The following CREB5 variants were observed in gnomAD, a reference collection of about 807,000 sequenced individuals.
CREB5 encodes cyclic AMP-responsive element-binding protein 5.
CREB5 carries 19 observed loss-of-function variants against 57.1 expected under a neutral mutation model. That is an observed-to-expected ratio of 0.33 (90% CI 0.23 to 0.49). The LOEUF (loss-of-function observed/expected upper bound fraction) is 0.49, where lower values mean the gene tolerates loss of function less well. Among genes scored for constraint, CREB5 ranks in the 20% least tolerant of loss-of-function variants. The probability of loss-of-function intolerance (pLI) is 0.99; values close to 1 mark genes in which losing one functional copy is unlikely to be tolerated. For missense variants in CREB5, 579 were observed against 671.6 expected (o/e 0.86, Z 1.52); for synonymous variants, 238 against 238.3 (o/e 1.00, Z 0.01).
intron 7 of CREB5, among the ~76,000 whole-genome samples, chr7:28,730,179 C>G (rs760838694): frequency 6.6e-6 from 1 of 152,052 alleles, no homozygotes; most frequent in Non-Finnish European, 1.5e-5. Flanking sequence ...GGTAGATATT[C>G]TTTTTTCTTT....
intron 1 of CREB5, among the ~76,000 whole-genome samples, chr7:28,353,085 T>A (rs1339063021): frequency 6.6e-6 from 1 of 152,160 alleles, no homozygotes; most frequent in Non-Finnish European, 1.5e-5. Context: ...TTCTTTCTTT[T>A]CTTTTTTTGT....
intron 7 of CREB5, among the ~76,000 whole-genome samples, chr7:28,789,004 C>G (rs932378619): frequency 3.9e-5 from 6 of 152,182 alleles, no homozygotes; most frequent in Admixed American, 6.5e-5. Context: ...TGTGGAATCT[C>G]AGATGTGCAT....
At chr7:28,618,816 T>G (rs989008280) in intron 5 of CREB5, among the ~76,000 whole-genome samples, 1 of 152,224 alleles carries the variant, frequency 6.6e-6, no homozygotes, top group African/African-American at 2.4e-5. Context: ...ATAAATGACT[T>G]ACTTTCTCGA....
chr7:28,808,847 G>A (rs986291477), intron 8 of CREB5, among the ~76,000 whole-genome samples: 8 of 145,062 alleles, frequency 5.5e-5, no homozygotes, highest in Middle Eastern at 3.9e-3. Flanking sequence ...TAAACACACC[G>A]TCAGTAAAAC....
intron 1 of CREB5, among the ~76,000 whole-genome samples, chr7:28,379,299 A>T (rs539933192): frequency 1.3e-5 from 2 of 152,324 alleles, no homozygotes; most frequent in Admixed American, 1.3e-4. Context: ...TACTACACTC[A>T]TATGTTCTAA....
At chr7:28,572,211 G>C (rs1215183509) in intron 5 of CREB5, among the ~76,000 whole-genome samples, 3 of 152,206 alleles carry the variant, frequency 2.0e-5, no homozygotes, top group Non-Finnish European at 2.9e-5. Context: ...ACCATTTTGT[G>C]AGTTTGCTGT....
At chr7:28,591,813 G>C (rs1212789123) in intron 5 of CREB5, among the ~76,000 whole-genome samples, 1 of 152,154 alleles carries the variant, frequency 6.6e-6, no homozygotes, top group Non-Finnish European at 1.5e-5. Context: ...TATAGTACTG[G>C]TAATACTATT....
At chr7:28,598,836 A>C (rs1420091381) in intron 5 of CREB5, among the ~76,000 whole-genome samples, 1 of 152,186 alleles carries the variant, frequency 6.6e-6, no homozygotes. Context: ...GTCTATGTTT[A>C]AAGTAAGGCA....
chr7:28,821,455 CAAAAGCAAAAAAA>C lies in CREB5; in HGVS notation c.*2190_*2202del, dbSNP rs888922765. On this transcript the variant is annotated 3_prime_UTR_variant, in exon 11 of 11. Coordinates refer to ENST00000357727, the MANE Select transcript of CREB5 (RefSeq NM_182898.4). ...TGGATATATGGTTGAAGAATCAAAACAAAAGCAAAAAAAAAAAGCAAAAAAAGAAAAGAGAAAA... is the reference window on the plus strand; with the variant it reads ...TGGATATATGGTTGAAGAATCAAAACAAAAGCAAAAAAAGAAAAGAGAAAA... 2.5e-4 allele frequency: 20 copies of C among 80,038 alleles called. No individual in the cohort carries two copies. Among genetic ancestry groups the C allele is most frequent in the African/African-American group, 3.8e-4 (8 of 20,900 alleles). The allele number at this position is 80,038 out of a possible 1,614,324, so 5.0% of individuals were successfully genotyped here.
In CREB5 at chr7:28,823,374, A is replaced by T. The variant is rs1809890565; in HGVS notation, c.*4095A>T. The T allele has an allele frequency of 6.6e-6, 1 of 152,636 alleles. No homozygotes were observed. Among genetic ancestry groups the T allele is most frequent in the Non-Finnish European group, 1.5e-5 (1 of 68,038 alleles). The allele number at this position is 152,636 out of a possible 1,614,324, so 9.5% of individuals were successfully genotyped here. A position where few individuals can be genotyped will look rare whatever the true frequency, so the allele number is the denominator to read the frequency against. On this transcript the variant is annotated 3_prime_UTR_variant, in exon 11 of 11. Coordinates refer to ENST00000357727, the MANE Select transcript of CREB5 (RefSeq NM_182898.4). ...AATAAATGTTATTTTTAAACATTCCATTTGAACAGTATTCTGTAGGATCTA... is the reference window on the plus strand; with the variant it reads ...AATAAATGTTATTTTTAAACATTCCTTTTGAACAGTATTCTGTAGGATCTA...
At chr7:28,534,367 G>T (rs759146365) in intron 4 of CREB5, among the ~76,000 whole-genome samples, 11 of 152,164 alleles carry the variant, frequency 7.2e-5, no homozygotes, top group Non-Finnish European at 1.2e-4. Flanking sequence ...GTCCTCCCCC[G>T]CGAGCCCTCT....
At chr7:28,348,821 G>A (rs1193256089) in intron 1 of CREB5, among the ~76,000 whole-genome samples, 1 of 152,172 alleles carries the variant, frequency 6.6e-6, no homozygotes, top group African/African-American at 2.4e-5. Context: ...CCCCAGCCAG[G>A]CCATCCACAT....
intron 1 of CREB5, among the ~76,000 whole-genome samples, chr7:28,448,169 C>T (rs1789584632): frequency 1.3e-5 from 2 of 152,296 alleles, no homozygotes; most frequent in South Asian, 2.1e-4. Flanking sequence ...ACCTCTTTCT[C>T]CCGTGCTGGA....
chr7:28,518,441 T>A (rs1793067885), intron 4 of CREB5, among the ~76,000 whole-genome samples: 10 of 152,218 alleles, frequency 6.6e-5, no homozygotes, highest in Admixed American at 6.5e-4. Context: ...TCTCCCAGCA[T>A]GATTTGTTAT....
At chr7:28,464,496 C>CGTGTGTGT (rs71555745) in intron 1 of CREB5, among the ~76,000 whole-genome samples, 3,633 of 139,590 alleles carry the variant, frequency 0.026, 67 homozygotes, top group Middle Eastern at 0.033. Flanking sequence ...TGGAAAGTTG[C>CGTGTGTGT]GTGTGTGTGT....
intron 7 of CREB5, among the ~76,000 whole-genome samples, chr7:28,793,678 A>T (rs1374546958): frequency 1.3e-5 from 2 of 152,196 alleles, no homozygotes; most frequent in African/African-American, 2.4e-5. Context: ...TTGGGGGAGG[A>T]TCTGCTAGAG....
intron 5 of CREB5, among the ~76,000 whole-genome samples, chr7:28,699,366 A>G (rs1204496942): frequency 6.6e-6 from 1 of 152,122 alleles, no homozygotes; most frequent in African/African-American, 2.4e-5. Flanking sequence ...CTTTAAATCT[A>G]TATGTTTTAA....
intron 7 of CREB5, among the ~76,000 whole-genome samples, chr7:28,792,238 A>G (rs1369974123): frequency 6.6e-6 from 1 of 151,944 alleles, no homozygotes; most frequent in East Asian, 1.9e-4. Context: ...TGGGAGGTGG[A>G]GGTTGCAGTG....
chr7:28,599,289 CA>C (rs1031630891), intron 5 of CREB5, among the ~76,000 whole-genome samples: 44 of 152,096 alleles, frequency 2.9e-4, no homozygotes, highest in African/African-American at 1.0e-3. Context: ...TTGTAATGAA[CA>C]TGTTGTATTG....
Sources: allele counts gnomAD v4.1 joint callset (sites outside exome capture counted in the v4.1 genomes callset), GRCh38; gene constraint gnomAD v4.1.1; transcripts MANE v1.5; gene names NCBI Gene and HGNC (gene_info 2026-07-23, HGNC 2026-07-21).